Variants in CDH22 observed in about 807,000 individuals in gnomAD.
CDH22 encodes the protein cadherin-22.
Under a neutral mutation model 58.4 loss-of-function variants are expected in CDH22, and 30 were observed. The observed-to-expected ratio is 0.51, with a 90% CI of 0.38 to 0.70. The LOEUF (loss-of-function observed/expected upper bound fraction) is 0.70, where lower values mean the gene tolerates loss of function less well. Among genes scored for constraint, CDH22 ranks in the 30% least tolerant of loss-of-function variants. The pLI is 0.00. For synonymous variants in CDH22, 513 were observed against 558.2 expected, an observed-to-expected ratio of 0.92 and a Z score of 1.14; for missense variants, 1,014 against 1,233.9, an observed-to-expected ratio of 0.82 and a Z score of 2.67.
chr20:46,300,259 C>T lies in CDH22; in HGVS notation c.-400+7996G>A, dbSNP rs2086645488. ...GCCTCTCCCAGGAACTCTCTGTTGT[C>T]CCTGAATACACAATTTCAGCCTCTG... is the stretch of plus-strand genomic sequence containing the variant. On this transcript the variant is annotated intron_variant, in intron 1 of 11. Transcript: ENST00000537909. This position sits in a 1 kb window ranked among gnomAD's most constrained non-coding sequence, Gnocchi z 4.4. Among the ~76,000 whole-genome samples the T allele has an allele frequency of 6.6e-6, 1 of 152,168 alleles. No homozygotes were observed. Among genetic ancestry groups the T allele is most frequent in the African/African-American group, 2.4e-5 (1 of 41,430 alleles).
At chr20:46,211,224 T>TA (rs2086041014) in intron 6 of CDH22, among the ~76,000 whole-genome samples, 1 of 152,190 alleles carries the variant, frequency 6.6e-6, no homozygotes, top group Non-Finnish European at 1.5e-5. Flanking sequence ...TCTGACCGTC[T>TA]AAAGACACTG....
chr20:46,220,497 C>G (rs1415142627), intron 4 of CDH22: 1 of 152,728 alleles, frequency 6.5e-6, no homozygotes, highest in South Asian at 2.1e-4. Context: ...TGACTTTAGC[C>G]GAGCACTTGC....
chr20:46,234,021 A>G (rs1158365446), intron 3 of CDH22, among the ~76,000 whole-genome samples: 14 of 152,194 alleles, frequency 9.2e-5, no homozygotes, highest in Non-Finnish European at 8.8e-5. Context: ...TGCCCTCTCC[A>G]AATGATATCC....
intron 8 of CDH22, among the ~76,000 whole-genome samples, chr20:46,192,945 G>A (rs1288896414): frequency 6.6e-6 from 1 of 151,998 alleles, no homozygotes; most frequent in Non-Finnish European, 1.5e-5. Context: ...GGAGGCTCAG[G>A]TGCCCTTCTC....
intron 1 of CDH22, among the ~76,000 whole-genome samples, chr20:46,303,415 T>C (rs2086660982): frequency 6.6e-6 from 1 of 152,200 alleles, no homozygotes; most frequent in Admixed American, 6.5e-5. Context: ...TTATGAGAAT[T>C]GTTCATCTTC....
intron 1 of CDH22, among the ~76,000 whole-genome samples, chr20:46,273,197 A>G (rs2425835): frequency 0.4 from 60,682 of 151,976 alleles, 12,636 homozygotes; most frequent in Middle Eastern, 0.61. Context: ...TCATCAGAAA[A>G]CAAATTCAGA....
chr20:46,246,056 T>G (rs3848729), intron 2 of CDH22, among the ~76,000 whole-genome samples: 96,383 of 152,038 alleles, frequency 0.63, 30,696 homozygotes, highest in South Asian at 0.71. Context: ...AAGAGCGATG[T>G]TTTCTCATCC....
chr20:46,212,542 G>T (rs527340967), intron 6 of CDH22, among the ~76,000 whole-genome samples: 1 of 152,340 alleles, frequency 6.6e-6, no homozygotes, highest in South Asian at 2.1e-4. Context: ...GGAGTCACTA[G>T]ACCTGGGTTC....
At chr20:46,187,987 C>A (rs1462835065) in intron 8 of CDH22, among the ~76,000 whole-genome samples, 1 of 152,208 alleles carries the variant, frequency 6.6e-6, no homozygotes, top group African/African-American at 2.4e-5. Flanking sequence ...GGAGGTAGAT[C>A]TTCGCCAGCA....
chr20:46,229,885 G>A (rs1020991808), intron 3 of CDH22, among the ~76,000 whole-genome samples: 10 of 152,116 alleles, frequency 6.6e-5, no homozygotes, highest in Admixed American at 5.9e-4. Flanking sequence ...ACAATGCAGG[G>A]CTGAGTGACT....
intron 4 of CDH22, among the ~76,000 whole-genome samples, chr20:46,226,402 C>T (rs533480881): frequency 6.6e-6 from 1 of 151,932 alleles, no homozygotes; most frequent in East Asian, 1.9e-4. Context: ...CATCCCACCT[C>T]AGCCTCCTGA....
chr20:46,239,177 T>G (rs1007756572), intron 3 of CDH22, among the ~76,000 whole-genome samples: 2 of 152,246 alleles, frequency 1.3e-5, no homozygotes, highest in Non-Finnish European at 2.9e-5. Context: ...GAGGGAATCT[T>G]CTGCCTTTTC....
chr20:46,175,226 G>A (rs1403186245), intron 11 of CDH22, 149 bp from the exon 12 acceptor site: 7 of 763,896 alleles, frequency 9.2e-6, no homozygotes, highest in Non-Finnish European at 1.4e-5. Context: ...TGTTCAAAAA[G>A]CCATTCTTGC....
intron 2 of CDH22, among the ~76,000 whole-genome samples, chr20:46,248,350 A>G (rs902807180): frequency 6.6e-6 from 1 of 152,202 alleles, no homozygotes; most frequent in Admixed American, 6.5e-5. Flanking sequence ...GGCAGACAGC[A>G]AGGCTGAAGT....
chr20:46,258,317 G>A (rs1444404926), intron 1 of CDH22, among the ~76,000 whole-genome samples: 1 of 152,110 alleles, frequency 6.6e-6, no homozygotes, highest in Non-Finnish European at 1.5e-5. Context: ...CATCCCAGTA[G>A]AGATGGCTCA....
chr20:46,302,925 A>G (rs2425862), intron 1 of CDH22, among the ~76,000 whole-genome samples: 72,796 of 151,678 alleles, frequency 0.48, 17,520 homozygotes, highest in Middle Eastern at 0.52. Context: ...CACTCCCACA[A>G]CCCTCACAAG....
chr20:46,274,205 G>A (rs917685492), intron 1 of CDH22, among the ~76,000 whole-genome samples: 17 of 152,156 alleles, frequency 1.1e-4, no homozygotes, highest in African/African-American at 3.6e-4. Flanking sequence ...CTTTGGCTGC[G>A]TGGAAGCTTT....
intron 2 of CDH22, among the ~76,000 whole-genome samples, chr20:46,247,114 G>A (rs564808263): frequency 1.3e-5 from 2 of 152,054 alleles, no homozygotes; most frequent in Non-Finnish European, 2.9e-5. Flanking sequence ...GATTTGGGGC[G>A]GGAGTTCACA....
chr20:46,232,995 A>G (rs2086229852), intron 3 of CDH22, among the ~76,000 whole-genome samples: 1 of 152,236 alleles, frequency 6.6e-6, no homozygotes, highest in Non-Finnish European at 1.5e-5. Context: ...GAAGGGTCAG[A>G]GGGACAGAAG....
Sources: gnomAD v4.1 joint callset for allele counts (sites outside exome capture counted in the v4.1 genomes callset) on GRCh38, gnomAD v4.1.1 for gene constraint, Gnocchi (gnomAD v3.1) non-coding constraint, MANE v1.5 for transcripts, NCBI Gene and HGNC (gene_info 2026-07-23, HGNC 2026-07-21) for gene names.